Variants in PIK3C3 observed in about 807,000 individuals in gnomAD.
PIK3C3 encodes the protein PI3-kinase type 3.
Under a neutral mutation model 126.1 loss-of-function variants are expected in PIK3C3, and 95 were observed. That is an observed-to-expected ratio of 0.75 (90% CI 0.64 to 0.89). PIK3C3 has a LOEUF of 0.89. PIK3C3 is among the 40% of genes least tolerant of loss of function. PIK3C3 has a pLI of 0.00. For missense variants in PIK3C3, 829 were observed against 1,063.2 expected, an observed-to-expected ratio of 0.78 and a Z score of 3.06; for synonymous variants, 374 against 360.0, an observed-to-expected ratio of 1.04 and a Z score of -0.44.
Position 41,970,377 on chromosome 18 carries a change from C to T in PIK3C3, c.452C>T (p.Ala151Val). ...HDLKVWPNVE[A>V]DGSEPTKTPG... Reference sequence around the variant, plus strand: ...TTGAAAGTCTGGCCTAATGTAGAAGCAGATGGATCAGAACCCACAAAAACT... The same window carrying T: ...TTGAAAGTCTGGCCTAATGTAGAAGTAGATGGATCAGAACCCACAAAAACT... The change falls in exon 4 of 25, where the codon GCA becomes GTA. Residue 151 changes from alanine to valine, a missense_variant. By Grantham distance (64) the Ala-to-Val change is moderately conservative. Coordinates refer to ENST00000262039, the MANE Select transcript of PIK3C3 (RefSeq NM_002647.4). 5.6e-6 allele frequency: 9 copies of T among 1,612,586 alleles called. No homozygotes were observed. The highest frequency in any genetic ancestry group is 7.6e-6 in the Non-Finnish European group (9 of 1,178,706).
chr18:41,957,940 T>A, intron 2 of PIK3C3, among the ~76,000 whole-genome samples, 182 bp downstream of exon 2: 1 of 152,250 alleles, frequency 6.6e-6, no homozygotes, highest in East Asian at 1.9e-4. Flanking sequence ...ATAACTGCAA[T>A]TGAAATAGAA....
chr18:42,022,133 T>A (rs1241065622), intron 13 of PIK3C3, among the ~76,000 whole-genome samples: 1 of 152,192 alleles, frequency 6.6e-6, no homozygotes, highest in African/African-American at 2.4e-5. Context: ...TGGAGCACTC[T>A]TTTTCCTTTT....
chr18:42,049,499 T>A (rs1984698401), intron 20 of PIK3C3, 32 bp from the exon 21 acceptor site: 1 of 1,562,666 alleles, frequency 6.4e-7, no homozygotes, highest in Non-Finnish European at 8.8e-7. Context: ...TTTGCATTTG[T>A]TTTCACATAT....
At chr18:41,979,166 A>G (rs1981075735) in intron 4 of PIK3C3, among the ~76,000 whole-genome samples, 1 of 151,920 alleles carries the variant, frequency 6.6e-6, no homozygotes, top group African/African-American at 2.4e-5. Context: ...ATGTCTGAGA[A>G]CTGAGCTTCT....
intron 7 of PIK3C3, among the ~76,000 whole-genome samples, chr18:41,995,529 G>C (rs1981984540): frequency 6.6e-6 from 1 of 152,154 alleles, no homozygotes; most frequent in Admixed American, 6.6e-5. Context: ...AAGGTCATTA[G>C]TAGCTGACAG....
At chr18:41,998,592 C>G (rs999316289) in intron 9 of PIK3C3, among the ~76,000 whole-genome samples, 2 of 152,082 alleles carry the variant, frequency 1.3e-5, no homozygotes, top group African/African-American at 4.8e-5. Context: ...ATAAAATGTT[C>G]AAGTGATATA....
chr18:41,956,343 C>T (rs1979771261), intron 1 of PIK3C3, among the ~76,000 whole-genome samples: 1 of 152,024 alleles, frequency 6.6e-6, no homozygotes, highest in African/African-American at 2.4e-5. Flanking sequence ...AGTAATATGT[C>T]AACAACCACC....
At position 42,029,406 on chromosome 18, in the gene PIK3C3, G is replaced by A. The variant is rs1257964078; in HGVS notation, c.1672G>A (p.Ala558Thr). 1 of 1,612,716 alleles carries A rather than the reference G, an allele frequency of 6.2e-7. No individual in the cohort carries two copies. The highest frequency in any genetic ancestry group is 1.1e-5 in the South Asian group (1 of 91,070). The part of the protein sequence containing the change: ...FVDRLVHLMK[A>T]VQRESGNRKK... ...AGATCGGTTGGTGCATCTAATGAAG[G>A]CAGTACAACGCGAAAGTGGAAATCG... Residue 558 changes from alanine to threonine, a missense_variant, in exon 15 of 25, where the codon GCA becomes ACA. Around this residue, in one of 4 missense-constraint regions of PIK3C3, gnomAD observed 256 missense variants for 291.0 expected, o/e 0.88. Transcript: ENST00000262039.
At position 42,079,126 on chromosome 18, in the gene PIK3C3, G is replaced by A. The variant is rs117347209; in HGVS notation, c.2650-1997G>A. 3.8e-3 allele frequency among the ~76,000 whole-genome samples: 577 copies of A among 152,304 alleles called. 3 individuals carry two copies. The highest frequency in any genetic ancestry group is 6.4e-3 in the Non-Finnish European group (438 of 68,018). On this transcript the variant is annotated intron_variant, in intron 24 of 24. Transcript: ENST00000262039. ...TAACTTTTGGCCTATCTGAGCTTTT[G>A]ATATGCCTTTCTCACTAGGCTTAAT...
rs1229066861 is a variant in PIK3C3 at position 41,995,941 on chromosome 18, GGA to G, written c.839_840del (p.Gly280AlafsTer3). The G allele has an allele frequency of 6.2e-7, 1 of 1,613,016 alleles. No individual in the cohort carries two copies. The highest frequency in any genetic ancestry group is 1.3e-5 in the African/African-American group (1 of 74,866). On this transcript the variant is annotated frameshift_variant, in exon 8 of 25. Coordinates refer to ENST00000262039, the MANE Select transcript of PIK3C3 (RefSeq NM_002647.4). LOFTEE classifies it high-confidence loss of function. ...HHKLARSLRS[G>X]PSDHDLKPNA... ...CAAGCTTGCCCGGAGTTTAAGAAGT[GGA>G]CCTTCTGACCACGATCTGAAACCCA...
chr18:42,028,220 A>G (rs529576948), intron 14 of PIK3C3, among the ~76,000 whole-genome samples: 1 of 151,124 alleles, frequency 6.6e-6, no homozygotes, highest in Non-Finnish European at 1.5e-5. Flanking sequence ...AAACCTGTGC[A>G]TGGAATTAAA....
At chr18:41,976,959 G>T (rs1024095373) in intron 4 of PIK3C3, among the ~76,000 whole-genome samples, 1 of 152,204 alleles carries the variant, frequency 6.6e-6, no homozygotes, top group Non-Finnish European at 1.5e-5. Context: ...ATAAGTATCA[G>T]TGACATATGC....
Position 41,989,340 on chromosome 18 carries a change from C to T in PIK3C3, c.619-1119C>T, listed in dbSNP as rs554861994. 5.3e-5 allele frequency among the ~76,000 whole-genome samples: 8 copies of T among 152,224 alleles called. No individual in the cohort carries two copies. In the East Asian group the frequency reaches 1.5e-3, roughly 29 times the overall value. On this transcript the variant is annotated intron_variant, in intron 5 of 24. Coordinates refer to ENST00000262039, the MANE Select transcript of PIK3C3 (RefSeq NM_002647.4). The stretch of plus-strand genomic sequence containing the variant: ...CCCACCTCCCAACGTGCTAGGATTA[C>T]AAGTGTGAGCCACCATGCCTGGTGA...
chr18:42,059,447 G>A (rs1368397947), intron 22 of PIK3C3, among the ~76,000 whole-genome samples: 2 of 152,252 alleles, frequency 1.3e-5, no homozygotes, highest in East Asian at 1.9e-4. Flanking sequence ...AAACTAGGTC[G>A]AACCATGGAT....
Position 42,013,365 on chromosome 18 carries a change from A to T in PIK3C3, c.1171-77A>T, listed in dbSNP as rs1228587651. The T allele has an allele frequency of 3.5e-6, 3 of 851,840 alleles. No homozygotes were observed. The African/African-American group carries it at 5.3e-5, about 15-fold the overall frequency. 52.8% of individuals were successfully genotyped at this position (851,840 alleles called of 1,614,324 possible). ...TAGATAAAAGTAAAATGTTTACTTGATATTTAGGAATAAATTATGTCTGTA... is the reference window on the plus strand; with the variant it reads ...TAGATAAAAGTAAAATGTTTACTTGTTATTTAGGAATAAATTATGTCTGTA... On this transcript the variant is annotated intron_variant, in intron 10 of 24. Transcript: ENST00000262039.
chr18:42,013,635 A>G (rs1383396464), intron 11 of PIK3C3, 39 bp downstream of exon 11: 1 of 1,432,238 alleles, frequency 7.0e-7, no homozygotes, highest in East Asian at 2.3e-5. Context: ...CTAGTTTGTT[A>G]ATTTTTCCCT....
At chr18:42,016,834 T>A (rs759866034) in intron 12 of PIK3C3, among the ~76,000 whole-genome samples, 1 of 151,962 alleles carries the variant, frequency 6.6e-6, no homozygotes, top group Non-Finnish European at 1.5e-5. Context: ...TTAGTCCGAA[T>A]GAGTTTTCCA....
At chr18:41,957,547 C>T in intron 1 of PIK3C3, 23 bp from the exon 2 acceptor site, 1 of 1,597,480 alleles carries the variant, frequency 6.3e-7, no homozygotes, top group Non-Finnish European at 8.5e-7. Flanking sequence ...ATGTCTGAAA[C>T]ATTGTTGGTC....
intron 10 of PIK3C3, among the ~76,000 whole-genome samples, chr18:42,005,619 A>G (rs1251916389): frequency 6.6e-6 from 1 of 152,194 alleles, no homozygotes; most frequent in Non-Finnish European, 1.5e-5. Context: ...TGGGATGTGG[A>G]GTAACTTCTC....
Sources: gnomAD v4.1 joint callset for allele counts (sites outside exome capture counted in the v4.1 genomes callset) on GRCh38, gnomAD v4.1.1 for gene constraint, gnomAD v4.1.1 regional missense constraint, MANE v1.5 for transcripts, NCBI Gene and HGNC (gene_info 2026-07-23, HGNC 2026-07-21) for gene names.